Variants in FHIT observed in about 807,000 individuals in gnomAD.
FHIT encodes bis(5'-adenosyl)-triphosphatase.
Under a neutral mutation model 17.9 loss-of-function variants are expected in FHIT, and 19 were observed. That is an observed-to-expected ratio of 1.06 (90% CI 0.74 to 1.56). The LOEUF is 1.56. FHIT is among the 40% of genes most tolerant of loss of function. The probability of loss-of-function intolerance (pLI) is 0.00; values close to 1 mark genes in which losing one functional copy is unlikely to be tolerated. For missense variants in FHIT, 248 were observed against 189.2 expected (o/e 1.31, Z -1.82); for synonymous variants, 81 against 69.7 (o/e 1.16, Z -0.81).
At chr3:60,583,107 C>T (rs1324213544) in intron 4 of FHIT, among the ~76,000 whole-genome samples, 1 of 151,870 alleles carries the variant, frequency 6.6e-6, no homozygotes, top group Non-Finnish European at 1.5e-5. Context: ...ACTCTCTTTA[C>T]ACAGCATTAG....
At chr3:60,859,006 T>C (rs1037157701) in intron 3 of FHIT, among the ~76,000 whole-genome samples, 2 of 152,212 alleles carry the variant, frequency 1.3e-5, no homozygotes, top group Admixed American at 6.5e-5. Flanking sequence ...AATCTGTATA[T>C]TGATATTCCC....
In FHIT at chr3:60,097,704, C is replaced by CT. The variant is rs983586652; in HGVS notation, c.104-83553dup. Among the ~76,000 whole-genome samples the CT allele has an allele frequency of 1.3e-4, 20 of 150,736 alleles. No individual in the cohort carries two copies. In the South Asian group the frequency reaches 2.1e-3, roughly 16 times the overall value. ...TCTTAATTCTACCAATTAATTTTTTCTTTTTTTTAAAATTTTATTATTATT... is the reference window on the plus strand; with the variant it reads ...TCTTAATTCTACCAATTAATTTTTTCTTTTTTTTTAAAATTTTATTATTATT... On this transcript the variant is annotated intron_variant, in intron 5 of 9. Transcript: ENST00000492590.
intron 5 of FHIT, among the ~76,000 whole-genome samples, chr3:60,073,583 C>T (rs749709185): frequency 6.6e-6 from 1 of 152,120 alleles, no homozygotes; most frequent in South Asian, 2.1e-4. Flanking sequence ...AATTACCTTG[C>T]TTCTCTAACC....
At chr3:60,301,084 C>G (rs1708442040) in intron 5 of FHIT, among the ~76,000 whole-genome samples, 1 of 152,030 alleles carries the variant, frequency 6.6e-6, no homozygotes, top group African/African-American at 2.4e-5. Context: ...TCTCAGGAGA[C>G]TTATCTGTTC....
chr3:60,220,302 T>G (rs1387482709), intron 5 of FHIT, among the ~76,000 whole-genome samples: 3 of 152,098 alleles, frequency 2.0e-5, no homozygotes, highest in Non-Finnish European at 4.4e-5. Flanking sequence ...GGCCTGAATA[T>G]ATTTCCTATC....
chr3:60,687,250 T>C (rs1553698669), intron 4 of FHIT, among the ~76,000 whole-genome samples: 1 of 152,186 alleles, frequency 6.6e-6, no homozygotes, highest in Non-Finnish European at 1.5e-5. Flanking sequence ...TCATTAGTTT[T>C]ATTTTCCACA....
intron 4 of FHIT, among the ~76,000 whole-genome samples, chr3:60,582,275 G>A (rs1559556848): frequency 6.6e-6 from 1 of 152,186 alleles, no homozygotes; most frequent in Admixed American, 6.6e-5. Flanking sequence ...CATGTGGGGG[G>A]CGACTAGTCA....
At chr3:60,548,838 A>G (rs571887399) in intron 4 of FHIT, among the ~76,000 whole-genome samples, 2 of 152,304 alleles carry the variant, frequency 1.3e-5, no homozygotes, top group African/African-American at 4.8e-5. Flanking sequence ...TCAAAAAACA[A>G]ATTCCTATAC....
chr3:60,373,159 C>T (rs1478140744), intron 5 of FHIT, among the ~76,000 whole-genome samples: 1 of 152,144 alleles, frequency 6.6e-6, no homozygotes, highest in African/African-American at 2.4e-5. Context: ...AGAGAAGGCA[C>T]ACATTAATTC....
chr3:60,170,767 C>T (rs1353755188), intron 5 of FHIT, among the ~76,000 whole-genome samples: 1 of 152,042 alleles, frequency 6.6e-6, no homozygotes, highest in Non-Finnish European at 1.5e-5. Context: ...ATTATTACTT[C>T]CAAATAGTAT....
Position 61,163,096 on chromosome 3 carries a change from A to T in FHIT, c.-164+37521T>A, listed in dbSNP as rs542411343. ...GGACTGTGCTGTACTCCTGTCTCTC[A>T]CACTCTCTGCACATGCCATTTCCCA... is the stretch of plus-strand genomic sequence containing the variant. On this transcript the variant is annotated intron_variant, in intron 2 of 9. Coordinates refer to ENST00000492590, the MANE Select transcript of FHIT (RefSeq NM_002012.4). Among the ~76,000 whole-genome samples, 5 of 152,202 alleles carry T rather than the reference A, an allele frequency of 3.3e-5. No individual in the cohort carries two copies. The South Asian group carries it at 8.3e-4, about 25-fold the overall frequency.
chr3:60,292,680 C>A (rs563676313), intron 5 of FHIT, among the ~76,000 whole-genome samples: 21 of 152,162 alleles, frequency 1.4e-4, no homozygotes, highest in African/African-American at 4.8e-4. Context: ...ATTATAGACA[C>A]CAACTAACGA....
chr3:60,610,411 A>G (rs984607348), intron 4 of FHIT, among the ~76,000 whole-genome samples: 1 of 152,210 alleles, frequency 6.6e-6, no homozygotes, highest in African/African-American at 2.4e-5. Context: ...AGCATCTGAT[A>G]TGATCACCCT....
intron 5 of FHIT, among the ~76,000 whole-genome samples, chr3:60,321,542 C>T (rs1329867856): frequency 2.0e-5 from 3 of 152,102 alleles, no homozygotes. Context: ...CATAATCAGG[C>T]ATTGAGGGGT....
intron 5 of FHIT, among the ~76,000 whole-genome samples, chr3:60,291,131 G>T (rs1021470453): frequency 6.6e-6 from 1 of 152,138 alleles, no homozygotes; most frequent in African/African-American, 2.4e-5. Context: ...GAGGTTAAAT[G>T]GGGAAGTTTA....
intron 5 of FHIT, among the ~76,000 whole-genome samples, chr3:60,364,749 G>T (rs1470023952): frequency 6.6e-6 from 1 of 152,152 alleles, no homozygotes; most frequent in Non-Finnish European, 1.5e-5. Flanking sequence ...GGTGAACTGA[G>T]TACAACAGAT....
intron 1 of FHIT, among the ~76,000 whole-genome samples, chr3:61,231,914 T>A (rs150858417): frequency 6.6e-6 from 1 of 152,180 alleles, no homozygotes; most frequent in Non-Finnish European, 1.5e-5. Flanking sequence ...CCTATATTAT[T>A]GAACTGGCAT....
chr3:60,951,937 G>A (rs142167563), intron 3 of FHIT, among the ~76,000 whole-genome samples: 5 of 152,112 alleles, frequency 3.3e-5, no homozygotes, highest in Admixed American at 2.0e-4. Flanking sequence ...AGGCCAAGGC[G>A]AGTGGATCAC....
chr3:59,977,071 G>C (rs1266479788), intron 7 of FHIT, among the ~76,000 whole-genome samples: 1 of 152,128 alleles, frequency 6.6e-6, no homozygotes, highest in African/African-American at 2.4e-5. Context: ...TTTATCCATA[G>C]AGCTTGGATA....
Sources: allele counts gnomAD v4.1 joint callset (sites outside exome capture counted in the v4.1 genomes callset), GRCh38; gene constraint gnomAD v4.1.1; transcripts MANE v1.5; gene names NCBI Gene and HGNC (gene_info 2026-07-23, HGNC 2026-07-21).